Variants in LPIN1 observed in about 807,000 individuals in gnomAD.
LPIN1 encodes phosphatidate phosphatase LPIN1.
A neutral mutation model predicts 107.5 loss-of-function variants in LPIN1; 71 were observed. The ratio of observed to expected loss-of-function variants is 0.66; its 90% CI spans 0.55 to 0.80. LPIN1 has a LOEUF of 0.80. LPIN1 is among the 30% of genes least tolerant of loss of function. The pLI is 0.00. For synonymous variants in LPIN1, 445 were observed against 452.6 expected (o/e 0.98, Z 0.21); for missense variants, 1,043 against 1,160.6 (o/e 0.90, Z 1.47).
At chr2:11,757,800 C>A (rs996029392) in intron 1 of LPIN1, among the ~76,000 whole-genome samples, 14 of 140,220 alleles carry the variant, frequency 1.0e-4, no homozygotes, top group African/African-American at 4.0e-4. Flanking sequence ...CTCCCCAATT[C>A]TTAAAAAAAA....
At chr2:11,704,517 A>T (rs1293702621) in intron 1 of LPIN1, among the ~76,000 whole-genome samples, 1 of 152,176 alleles carries the variant, frequency 6.6e-6, no homozygotes, top group African/African-American at 2.4e-5. Context: ...CTATTCTGGG[A>T]CTTAAATTCA....
intron 6 of LPIN1, among the ~76,000 whole-genome samples, chr2:11,779,131 A>C (rs547252942): frequency 1.3e-5 from 2 of 152,374 alleles, no homozygotes; most frequent in South Asian, 4.1e-4. Flanking sequence ...GCCCTCTGAC[A>C]GCAGAGGAAC....
At position 11,826,968 on chromosome 2, in the gene LPIN1, G is replaced by C. The variant is rs1558332300; in HGVS notation, c.*2177G>C. 1.3e-5 allele frequency: 2 copies of C among 152,774 alleles called. No homozygotes were observed. Among genetic ancestry groups the C allele is most frequent in the East Asian group, 3.9e-4 (2 of 5,184 alleles). 9.5% of individuals were successfully genotyped at this position (152,774 alleles called of 1,614,324 possible). A position where few individuals can be genotyped will look rare whatever the true frequency, so the allele number is the denominator to read the frequency against. On this transcript the variant is annotated 3_prime_UTR_variant, in exon 21 of 21. Coordinates refer to ENST00000674199, the MANE Select transcript of LPIN1 (RefSeq NM_001349206.2). ...CACCTGCCTTCTGGCTTCTGAAAGT[G>C]AGATTTGTATATGGGCTGCACTCAC...
In LPIN1 at chr2:11,791,916, C is replaced by A; in HGVS notation, c.1716C>A (p.Ala572=). Residue 572 remains alanine, a splice_region_variant and synonymous_variant, in exon 13 of 21, where the codon GCC becomes GCA. Transcript: ENST00000674199. ...MQAFQKPLPK[A]TVESIMRDKM... is the part of the protein sequence containing the mutation. ...ATGTTACCATCCATTTAAAACAGGC[C>A]ACTGTGGAATCTATCATGAGGGATA... is the stretch of plus-strand genomic sequence containing the variant. 6.2e-7 allele frequency: 1 copy of A among 1,613,422 alleles called. No individual in the cohort carries two copies. Among genetic ancestry groups the A allele is most frequent in the South Asian group, 1.1e-5 (1 of 91,012 alleles).
In LPIN1 at chr2:11,686,103, GGTTAT is replaced by G. The variant is rs1661987396; in HGVS notation, c.81+8379_81+8383del. 6.6e-5 allele frequency among the ~76,000 whole-genome samples: 10 copies of G among 152,248 alleles called. No individual in the cohort carries two copies. The South Asian group carries it at 2.1e-3, about 32-fold the overall frequency. On this transcript the variant is annotated intron_variant, in intron 1 of 21. Coordinates refer to the LPIN1 transcript ENST00000449576. ...GAATTTGGCCCCTACTTTCCATTGT[GGTTAT>G]GTTGGGATGGGCCACTGGCACACAG...
At chr2:11,799,658 A>G (rs1025140102) in intron 14 of LPIN1, among the ~76,000 whole-genome samples, 3 of 152,082 alleles carry the variant, frequency 2.0e-5, no homozygotes, top group Admixed American at 1.3e-4. Flanking sequence ...ACTGAGGCCC[A>G]GGGAGGAATT....
intron 17 of LPIN1, among the ~76,000 whole-genome samples, chr2:11,812,032 T>A (rs534085271): frequency 6.6e-6 from 1 of 152,346 alleles, no homozygotes; most frequent in Admixed American, 6.5e-5. Context: ...GATTTTCAGA[T>A]GCATCCCTGT....
intron 14 of LPIN1, among the ~76,000 whole-genome samples, chr2:11,800,451 A>G (rs576515519): frequency 1.3e-5 from 2 of 152,180 alleles, no homozygotes; most frequent in Admixed American, 6.5e-5. Flanking sequence ...TCTGTCACCC[A>G]GGCTGGAGTG....
intron 1 of LPIN1, among the ~76,000 whole-genome samples, chr2:11,699,304 A>G (rs1475180118): frequency 6.6e-6 from 1 of 152,162 alleles, no homozygotes; most frequent in Non-Finnish European, 1.5e-5. Flanking sequence ...TTTCTAGGGA[A>G]CACTTTCTTG....
intron 1 of LPIN1, among the ~76,000 whole-genome samples, chr2:11,747,165 C>T (rs1236424236): frequency 6.6e-6 from 1 of 152,242 alleles, no homozygotes; most frequent in Non-Finnish European, 1.5e-5. Flanking sequence ...GGGAGGTTGA[C>T]CTCTGTGCCC....
At chr2:11,806,402 A>G (rs139867582) in intron 17 of LPIN1, among the ~76,000 whole-genome samples, 70 of 152,270 alleles carry the variant, frequency 4.6e-4, no homozygotes, top group South Asian at 1.2e-3. Context: ...CCAGTAGAAA[A>G]ATGGCGGCTT....
Position 11,741,347 on chromosome 2 carries a change from A to G in LPIN1, c.-71-2A>G. The G allele has an allele frequency of 6.5e-7, 1 of 1,541,106 alleles. No individual in the cohort carries two copies. On this transcript the variant is annotated splice_acceptor_variant, in intron 1 of 21. Transcript: ENST00000396097. LOFTEE classifies it low-confidence loss of function (5UTR_SPLICE). ...TTTGTGAATGATGTCGTGTGTCCAC[A>G]GGTAACTCTGAAGCGTGAGCTGCCA... is the stretch of plus-strand genomic sequence containing the variant.
chr2:11,694,503 T>C (rs879534487), intron 1 of LPIN1, among the ~76,000 whole-genome samples: 1 of 152,230 alleles, frequency 6.6e-6, no homozygotes, highest in Admixed American at 6.5e-5. Context: ...TGAGTGTCTG[T>C]GTCACGTGTT....
chr2:11,712,427 T>C (rs897206858), intron 1 of LPIN1, among the ~76,000 whole-genome samples: 1 of 152,202 alleles, frequency 6.6e-6, no homozygotes, highest in African/African-American at 2.4e-5. Flanking sequence ...ATCTTGATGG[T>C]AGCCCTGGCC....
At chr2:11,794,576 A>G (rs1198852246) in intron 13 of LPIN1, among the ~76,000 whole-genome samples, 2 of 152,210 alleles carry the variant, frequency 1.3e-5, no homozygotes, top group Non-Finnish European at 2.9e-5. Flanking sequence ...AGCCTATTAT[A>G]TAGTTTGTAT....
Position 11,819,590 on chromosome 2 carries a change from C to A in LPIN1, c.2509C>A (p.Arg837=), listed in dbSNP as rs119480073. ...TEPFYAAFGN[R]PADVYSYKQV... is the part of the protein sequence containing the mutation. ...ACCCTTTTATGCTGCTTTTGGAAACCGACCAGCTGTAAGTAGTAGATTGGG... is the reference window on the plus strand; with the variant it reads ...ACCCTTTTATGCTGCTTTTGGAAACAGACCAGCTGTAAGTAGTAGATTGGG... The change falls in exon 19 of 21, where the codon CGA becomes AGA. Residue 837 remains arginine (R), a synonymous_variant. Transcript: ENST00000674199. The A allele has an allele frequency of 2.5e-6, 4 of 1,612,616 alleles. No individual in the cohort carries two copies. In the East Asian group the frequency reaches 6.7e-5, roughly 27 times the overall value.
intron 20 of LPIN1, among the ~76,000 whole-genome samples, chr2:11,823,880 C>T (rs1034816981): frequency 2.5e-4 from 38 of 152,028 alleles, no homozygotes; most frequent in African/African-American, 8.7e-4. Flanking sequence ...ACTATAAAGA[C>T]GAAGGGCTCC....
intron 1 of LPIN1, among the ~76,000 whole-genome samples, chr2:11,738,286 A>T (rs1229924187): frequency 6.6e-6 from 1 of 151,616 alleles, no homozygotes. Flanking sequence ...CCTAATGTAG[A>T]TGATGAGTTG....
chr2:11,756,744 A>C (rs553859528), intron 1 of LPIN1, among the ~76,000 whole-genome samples: 1 of 152,316 alleles, frequency 6.6e-6, no homozygotes, highest in Admixed American at 6.5e-5. Context: ...GCTATTTATT[A>C]TTAATGTCAT....
Sources: allele counts gnomAD v4.1 joint callset (sites outside exome capture counted in the v4.1 genomes callset), GRCh38; gene constraint gnomAD v4.1.1; transcripts MANE v1.5; gene names NCBI Gene and HGNC (gene_info 2026-07-23, HGNC 2026-07-21).